Variants in RIMS1 observed in about 807,000 individuals in gnomAD.
RIMS1 encodes the protein regulating synaptic membrane exocytosis protein 1.
In RIMS1, 83 loss-of-function variants were observed where a neutral mutation model predicts 214.1. That is an observed-to-expected ratio of 0.39 (90% CI 0.32 to 0.47). RIMS1 has a LOEUF of 0.47. Ranked by LOEUF, RIMS1 falls within the 20% of genes least tolerant of loss-of-function variation. The probability of loss-of-function intolerance (pLI) is 0.99; values close to 1 mark genes in which losing one functional copy is unlikely to be tolerated. For missense variants in RIMS1, 2,050 were observed against 2,161.8 expected (o/e 0.95, Z 1.03); for synonymous variants, 793 against 786.8 (o/e 1.01, Z -0.13).
intron 6 of RIMS1, among the ~76,000 whole-genome samples, chr6:72,193,356 G>A (rs1470366158): frequency 1.3e-5 from 2 of 152,134 alleles, no homozygotes; most frequent in Non-Finnish European, 2.9e-5. Flanking sequence ...AGACAACCTG[G>A]TTCCTCTTAA....
intron 26 of RIMS1, among the ~76,000 whole-genome samples, chr6:72,305,520 G>A (rs1291763782): frequency 6.6e-6 from 1 of 152,026 alleles, no homozygotes. Context: ...GATTGAGCGT[G>A]TACCCAGAAG....
intron 2 of RIMS1, among the ~76,000 whole-genome samples, chr6:72,016,807 T>C (rs761585244): frequency 3.9e-5 from 6 of 152,170 alleles, no homozygotes; most frequent in Non-Finnish European, 7.4e-5. Flanking sequence ...AAGTAGATGA[T>C]GATATGATGT....
chr6:71,946,834 A>G lies in RIMS1; in HGVS notation c.165-22149A>G, dbSNP rs184934805. 2.2e-3 allele frequency among the ~76,000 whole-genome samples: 341 copies of G among 152,230 alleles called. 1 individual carries two copies. The highest frequency in any genetic ancestry group is 1.7e-3 in the Non-Finnish European group (114 of 67,978). On this transcript the variant is annotated intron_variant, in intron 1 of 33. Coordinates refer to ENST00000521978, the MANE Select transcript of RIMS1 (RefSeq NM_014989.7). The stretch of plus-strand genomic sequence containing the variant: ...TCTTCTGCACAGCCAAGAGAACAAT[A>G]AACAGAATGAGGAGACAACCTAGGG...
chr6:72,012,636 G>C (rs188546316), intron 2 of RIMS1, among the ~76,000 whole-genome samples: 1 of 152,210 alleles, frequency 6.6e-6, no homozygotes, highest in Non-Finnish European at 1.5e-5. Flanking sequence ...GACCTAAGAG[G>C]ACCTGAGAAT....
At chr6:72,278,727 C>G (rs1378826938) in intron 23 of RIMS1, among the ~76,000 whole-genome samples, 2 of 151,974 alleles carry the variant, frequency 1.3e-5, no homozygotes, top group Non-Finnish European at 2.9e-5. Flanking sequence ...TAGCTACAGT[C>G]GTATACATAA....
intron 29 of RIMS1, among the ~76,000 whole-genome samples, chr6:72,372,682 T>A (rs2098255474): frequency 6.6e-6 from 1 of 152,234 alleles, no homozygotes; most frequent in Admixed American, 6.5e-5. Context: ...AATCTCCCTG[T>A]TTCTAAGAAC....
intron 7 of RIMS1, among the ~76,000 whole-genome samples, chr6:72,235,410 C>G (rs553888075): frequency 1.3e-5 from 2 of 152,106 alleles, no homozygotes; most frequent in South Asian, 4.2e-4. Flanking sequence ...ACTACAACAT[C>G]AACGTTTTTT....
intron 29 of RIMS1, among the ~76,000 whole-genome samples, chr6:72,346,350 A>T (rs573812424): frequency 6.6e-6 from 1 of 151,844 alleles, no homozygotes; most frequent in Non-Finnish European, 1.5e-5. Flanking sequence ...ATACAAGAAT[A>T]GAATCTTAAG....
intron 2 of RIMS1, among the ~76,000 whole-genome samples, chr6:72,005,024 A>G (rs1356560974): frequency 1.8e-4 from 27 of 151,632 alleles, no homozygotes; most frequent in African/African-American, 6.3e-4. Flanking sequence ...TAAGTCTTTA[A>G]TCCATCTTGA....
chr6:72,090,987 C>T (rs1836072383), intron 2 of RIMS1, among the ~76,000 whole-genome samples: 1 of 152,140 alleles, frequency 6.6e-6, no homozygotes, highest in African/African-American at 2.4e-5. Context: ...TGCCCATGTG[C>T]TAAGGTTGAC....
At position 72,129,488 on chromosome 6, in the gene RIMS1, A is replaced by G. The variant is rs188368009; in HGVS notation, c.471+29502A>G. 2.3e-3 allele frequency among the ~76,000 whole-genome samples: 355 copies of G among 152,282 alleles called. 2 individuals are homozygous for G. Among genetic ancestry groups the G allele is most frequent in the Non-Finnish European group, 3.5e-3 (237 of 67,994 alleles). ...TTGCTTACTTGTAAAAATAAGAACA[A>G]CAGTATTACCCAATACATACTTCTC... On this transcript the variant is annotated intron_variant, in intron 4 of 33. Transcript: ENST00000521978.
intron 29 of RIMS1, among the ~76,000 whole-genome samples, chr6:72,377,288 G>T (rs2098407130): frequency 6.6e-6 from 1 of 152,130 alleles, no homozygotes; most frequent in South Asian, 2.1e-4. Context: ...GGAATTTAGG[G>T]TGTGCACACT....
chr6:72,398,119 G>T (rs572075224), intron 31 of RIMS1, 130 bp from the exon 32 acceptor site: 7 of 578,312 alleles, frequency 1.2e-5, no homozygotes, highest in South Asian at 2.6e-5. Flanking sequence ...GGAGTGAGGG[G>T]TCTAAATATT....
At chr6:72,322,229 T>G (rs1037440213) in intron 28 of RIMS1, among the ~76,000 whole-genome samples, 1 of 152,112 alleles carries the variant, frequency 6.6e-6, no homozygotes, top group African/African-American at 2.4e-5. Context: ...CTGGAGCACC[T>G]TGAAACAGTA....
intron 2 of RIMS1, among the ~76,000 whole-genome samples, chr6:72,088,685 A>G (rs1460719875): frequency 6.6e-6 from 1 of 152,180 alleles, no homozygotes; most frequent in Non-Finnish European, 1.5e-5. Flanking sequence ...CTTTTCAGAC[A>G]TGTTATAACA....
intron 24 of RIMS1, among the ~76,000 whole-genome samples, chr6:72,286,910 G>T (rs1021900612): frequency 6.6e-6 from 1 of 152,180 alleles, no homozygotes; most frequent in Non-Finnish European, 1.5e-5. Context: ...AGCCTTTTAA[G>T]AATATATTTT....
rs899275053 is a variant in RIMS1, at chr6:72,293,371, T to C, written c.3850+1325T>C. ...TGTTTAACATTTTTCCTCTCCTCTC[T>C]GGGAACATTTTAAAATTATTCATAA... On this transcript the variant is annotated intron_variant, in intron 26 of 33. Coordinates refer to ENST00000521978, the MANE Select transcript of RIMS1 (RefSeq NM_014989.7). Among the ~76,000 whole-genome samples the C allele has an allele frequency of 7.2e-5, 11 of 152,020 alleles. 1 individual carries two copies. In the East Asian group the frequency reaches 2.1e-3, roughly 29 times the overall value.
At chr6:71,924,931 A>G (rs188487080) in intron 1 of RIMS1, among the ~76,000 whole-genome samples, 1 of 151,896 alleles carries the variant, frequency 6.6e-6, no homozygotes, top group East Asian at 1.9e-4. Context: ...TTCTTCCTTT[A>G]CAAGAATGTT....
At chr6:72,024,073 A>G (rs1454572851) in intron 2 of RIMS1, among the ~76,000 whole-genome samples, 1 of 152,198 alleles carries the variant, frequency 6.6e-6, no homozygotes, top group East Asian at 1.9e-4. Context: ...CATGATTTTA[A>G]TGTACTAATT....
Sources: allele counts gnomAD v4.1 joint callset (sites outside exome capture counted in the v4.1 genomes callset), GRCh38; gene constraint gnomAD v4.1.1; transcripts MANE v1.5; gene names NCBI Gene and HGNC (gene_info 2026-07-23, HGNC 2026-07-21).